MTR: variants seen among roughly 807,000 people sequenced by gnomAD.
MTR encodes the protein 5-methyltetrahydrofolate-homocysteine methyltransferase, also known as methionine synthase.
MTR carries 84 observed loss-of-function variants against 154.8 expected under a neutral mutation model. The observed-to-expected ratio is 0.54, with a 90% CI of 0.45 to 0.65. The LOEUF is 0.65. Among genes scored for constraint, MTR ranks in the 30% least tolerant of loss-of-function variants. The pLI, the probability that MTR is intolerant of heterozygous loss-of-function variation, is 0.00. For missense variants in MTR, 1,275 were observed against 1,570.2 expected (o/e 0.81, Z 3.18); for synonymous variants, 554 against 553.9 (o/e 1.00, Z 0.00).
chr1:236,881,030 T>A (rs939940813), intron 25 of MTR, among the ~76,000 whole-genome samples, 194 bp downstream of exon 25: 1 of 152,166 alleles, frequency 6.6e-6, no homozygotes, highest in Admixed American at 6.5e-5. Flanking sequence ...TCCTATACTT[T>A]CAAAGACAAT....
chr1:236,852,369 G>T (rs1199089598), intron 16 of MTR, 152 bp from the exon 17 acceptor site: 2 of 683,534 alleles, frequency 2.9e-6, no homozygotes, highest in South Asian at 1.7e-5. Context: ...GCAAGCTTTG[G>T]TCTATGTCTA....
intron 12 of MTR, among the ~76,000 whole-genome samples, chr1:236,831,466 T>C (rs932110384): frequency 4.6e-5 from 7 of 152,174 alleles, no homozygotes; most frequent in African/African-American, 1.7e-4. Context: ...GATTCAGCCT[T>C]GTTGATTATG....
At chr1:236,857,816 T>A (rs528362900) in intron 18 of MTR, among the ~76,000 whole-genome samples, 2 of 152,090 alleles carry the variant, frequency 1.3e-5, no homozygotes, top group Non-Finnish European at 2.9e-5. Context: ...AAACTAGAGA[T>A]GGTCAGGGAA....
At position 236,832,071 on chromosome 1, in the gene MTR, A is replaced by G. The variant is rs376183112; in HGVS notation, c.1181A>G (p.Asn394Ser). The G allele has an allele frequency of 6.8e-6, 11 of 1,612,392 alleles. No homozygotes were observed. In the African/African-American group the frequency reaches 1.5e-4, roughly 22 times the overall value. Residue 394 changes from asparagine to serine, a missense_variant, in exon 13 of 33, where the codon AAC becomes AGC. Transcript: ENST00000366577. ...RKFAKLIMAG[N>S]YEEALCVAKV... The stretch of plus-strand genomic sequence containing the variant: ...TTTGCTAAACTCATCATGGCAGGAA[A>G]CTATGAAGTGAGCATCTTAATAAGA...
intron 8 of MTR, among the ~76,000 whole-genome samples, chr1:236,817,473 AT>A (rs774312130): frequency 2.6e-5 from 4 of 152,174 alleles, no homozygotes; most frequent in Non-Finnish European, 2.9e-5. Context: ...AGTAATAGAC[AT>A]TTGTTGAGAG....
At chr1:236,881,337 T>G (rs1381826289) in intron 25 of MTR, among the ~76,000 whole-genome samples, 3 of 152,176 alleles carry the variant, frequency 2.0e-5, no homozygotes, top group African/African-American at 7.2e-5. Context: ...TGCTTTTCTC[T>G]TTCAGTGAAG....
At position 236,861,101 on chromosome 1, in the gene MTR, T is replaced by TC. The variant is rs1444882276; in HGVS notation, c.2044-24_2044-23insC. Reference sequence around the variant, plus strand: ...TTTTTTTCTTTCTTTCTTTTTCTTTTTTTTTTTTTTTTGTCTTTTTTAGGG... The same window carrying TC: ...TTTTTTTCTTTCTTTCTTTTTCTTTTCTTTTTTTTTTTTGTCTTTTTTAGGG... On this transcript the variant is annotated intron_variant, in intron 19 of 32. Coordinates refer to ENST00000366577, the MANE Select transcript of MTR (RefSeq NM_000254.3). 7.5e-6 allele frequency: 11 copies of TC among 1,461,848 alleles called. No homozygotes were observed. In the African/African-American group the frequency reaches 1.0e-4, roughly 14 times the overall value. The allele number at this position is 1,461,848 out of a possible 1,614,324, so 90.6% of individuals were successfully genotyped here. A position where few individuals can be genotyped will look rare whatever the true frequency, so the allele number is the denominator to read the frequency against.
At chr1:236,877,892 T>C (rs1331034935) in intron 24 of MTR, among the ~76,000 whole-genome samples, 1 of 152,268 alleles carries the variant, frequency 6.6e-6, no homozygotes, top group Non-Finnish European at 1.5e-5. Flanking sequence ...ATGGTATCCC[T>C]TGTCATGGGT....
Position 236,812,069 on chromosome 1 carries a change from G to T in MTR, c.503-669G>T, listed in dbSNP as rs527399543. 5.3e-5 allele frequency among the ~76,000 whole-genome samples: 8 copies of T among 152,348 alleles called. No homozygotes were observed. The East Asian group carries it at 1.5e-3, about 29-fold the overall frequency. ...CTAATTTTTATATTTTTAAAGTAGA[G>T]TTGGGGTTTCACCATGTTGGCCAGG... On this transcript the variant is annotated intron_variant, in intron 5 of 32. Transcript: ENST00000366577.
In MTR at chr1:236,891,243, A is replaced by G. The variant is rs763315904; in HGVS notation, c.3118A>G (p.Ile1040Val). The change falls in exon 29 of 33, where the codon ATC becomes GTC. Residue 1040 changes from isoleucine (I) to valine (V), a missense_variant. Physicochemically the swap from Ile to Val is conservative, Grantham distance 29. Transcript: ENST00000366577. Reference protein sequence around the residue: ...GVVGFWPAQSIQDDIHLYAEA... With the variant: ...GVVGFWPAQSVQDDIHLYAEA... ...GGTTGGGTTCTGGCCAGCACAGAGT[A>G]TCCAAGACGACATTCACCTGTACGC... 1 of 1,614,022 alleles carries G rather than the reference A, an allele frequency of 6.2e-7. No individual in the cohort carries two copies. The highest frequency in any genetic ancestry group is 1.3e-5 in the African/African-American group (1 of 74,910).
At chr1:236,796,104 T>TA (rs1235182572) in intron 1 of MTR, among the ~76,000 whole-genome samples, 2 of 152,100 alleles carry the variant, frequency 1.3e-5, no homozygotes, top group African/African-American at 4.8e-5. Context: ...TTCGTAAATA[T>TA]GTATTGCGCA....
intron 1 of MTR, chr1:236,800,107 T>G: frequency 1.0e-6 from 1 of 985,372 alleles, no homozygotes; most frequent in Non-Finnish European, 1.2e-6. Flanking sequence ...GTACTAAGAC[T>G]TTTTATGAAA....
intron 3 of MTR, 125 bp downstream of exon 3, chr1:236,806,358 A>T: frequency 1.3e-6 from 1 of 790,204 alleles, no homozygotes; most frequent in Non-Finnish European, 2.2e-6. Context: ...GTTGTTTATG[A>T]TGAGACAGGG....
At chr1:236,808,524 C>T (rs1252112064) in intron 3 of MTR, among the ~76,000 whole-genome samples, 180 bp from the exon 4 acceptor site, 1 of 152,210 alleles carries the variant, frequency 6.6e-6, no homozygotes, top group Non-Finnish European at 1.5e-5. Flanking sequence ...CTTGTCTTTC[C>T]TTGCTGCCTT....
At chr1:236,836,489 G>A (rs1662915118) in intron 14 of MTR, among the ~76,000 whole-genome samples, 1 of 152,156 alleles carries the variant, frequency 6.6e-6, no homozygotes, top group Non-Finnish European at 1.5e-5. Context: ...TCCTGCCTTG[G>A]CTTCCCAAAG....
At position 236,894,356 on chromosome 1, in the gene MTR, G is replaced by A. The variant is rs779273150; in HGVS notation, c.3205-1G>A. On this transcript the variant is annotated splice_acceptor_variant, in intron 29 of 32. Transcript: ENST00000366577. LOFTEE classifies it high-confidence loss of function. ...ACACTCCTACACTCCTTGGTTTTAA[G>A]GCTGAGAAGGACTCTGCCAGCACGG... is the stretch of plus-strand genomic sequence containing the variant. 3 of 1,614,194 alleles carry A rather than the reference G, an allele frequency of 1.9e-6. No homozygotes were observed. The South Asian group carries it at 3.3e-5, about 18-fold the overall frequency.
At chr1:236,875,210 C>T (rs1665363554) in intron 24 of MTR, among the ~76,000 whole-genome samples, 1 of 152,166 alleles carries the variant, frequency 6.6e-6, no homozygotes, top group Non-Finnish European at 1.5e-5. Context: ...ATTACTTGAA[C>T]TTTTGCCCAC....
At chr1:236,861,766 C>A (rs942046859) in intron 20 of MTR, among the ~76,000 whole-genome samples, 1 of 152,204 alleles carries the variant, frequency 6.6e-6, no homozygotes, top group Non-Finnish European at 1.5e-5. Flanking sequence ...TTAACACATA[C>A]TTGTTGAGCA....
At position 236,820,262 on chromosome 1, in the gene MTR, T is replaced by C. The variant is rs993364437; in HGVS notation, c.764+3719T>C. 85 of 753,694 alleles carry C rather than the reference T, an allele frequency of 1.1e-4. No individual in the cohort carries two copies. In the Middle Eastern group the frequency reaches 1.2e-3, roughly 11 times the overall value. 46.7% of individuals were successfully genotyped at this position (753,694 alleles called of 1,614,324 possible). On this transcript the variant is annotated intron_variant, in intron 8 of 32. Transcript: ENST00000366577. ...TGCTTGTACAGAGATCCTGAAGAGA[T>C]TGAAAAAGAAGAGCAGGCTGCTACT...
Sources: gnomAD v4.1 joint callset for allele counts (sites outside exome capture counted in the v4.1 genomes callset) on GRCh38, gnomAD v4.1.1 for gene constraint, MANE v1.5 for transcripts, NCBI Gene and HGNC (gene_info 2026-07-23, HGNC 2026-07-21) for gene names.